The following BLK variants were observed in gnomAD, a reference collection of about 807,000 sequenced individuals.
The protein encoded by BLK is BLK proto-oncogene, Src family tyrosine kinase, also known as tyrosine-protein kinase Blk.
In BLK, 64 loss-of-function variants were observed where a neutral mutation model predicts 61.8. That is an observed-to-expected ratio of 1.03 (90% CI 0.85 to 1.27). The LOEUF (loss-of-function observed/expected upper bound fraction) is 1.27, where lower values mean the gene tolerates loss of function less well. Among genes scored for constraint, BLK ranks in the 50% most tolerant of loss-of-function variants. The pLI is 0.00. For missense variants in BLK, 853 were observed against 660.5 expected (o/e 1.29, Z -3.19); for synonymous variants, 351 against 272.0 (o/e 1.29, Z -2.86).
chr8:11,557,273 G>T (rs1380838651), intron 9 of BLK, among the ~76,000 whole-genome samples: 1 of 152,194 alleles, frequency 6.6e-6, no homozygotes, highest in East Asian at 1.9e-4. Flanking sequence ...GGGCTTGATG[G>T]CCTCTGAGGT....
chr8:11,512,232 G>C (rs942756768), intron 1 of BLK, among the ~76,000 whole-genome samples: 3 of 152,218 alleles, frequency 2.0e-5, no homozygotes, highest in African/African-American at 7.2e-5. Context: ...ATGTGTGGAT[G>C]ACCTCGTGAA....
chr8:11,512,162 G>A (rs955355269), intron 1 of BLK, among the ~76,000 whole-genome samples: 1 of 152,214 alleles, frequency 6.6e-6, no homozygotes, highest in African/African-American at 2.4e-5. Context: ...TATGCTACTG[G>A]TCTGTAAGAA....
At chr8:11,500,592 T>C in intron 1 of BLK, among the ~76,000 whole-genome samples, 1 of 151,552 alleles carries the variant, frequency 6.6e-6, no homozygotes, top group Non-Finnish European at 1.5e-5. Flanking sequence ...CATGGCTCAC[T>C]GCAGCCTCCA....
At chr8:11,532,939 C>T (rs926726396) in intron 1 of BLK, among the ~76,000 whole-genome samples, 1 of 152,200 alleles carries the variant, frequency 6.6e-6, no homozygotes, top group Admixed American at 6.5e-5. Flanking sequence ...GTACCTTCAG[C>T]AAGACCTTAA....
intron 1 of BLK, among the ~76,000 whole-genome samples, chr8:11,522,259 T>C (rs1799482628): frequency 6.6e-6 from 1 of 152,216 alleles, no homozygotes; most frequent in Admixed American, 6.5e-5. Flanking sequence ...AAAGAATCCA[T>C]ATAACCCATG....
At chr8:11,540,647 G>GAAATT (rs1800331696) in intron 1 of BLK, among the ~76,000 whole-genome samples, 1 of 152,136 alleles carries the variant, frequency 6.6e-6, no homozygotes, top group African/African-American at 2.4e-5. Flanking sequence ...AAATGTAGAT[G>GAAATT]AAATTAAAGA....
At chr8:11,528,964 G>A (rs1020126754) in intron 1 of BLK, among the ~76,000 whole-genome samples, 1 of 152,108 alleles carries the variant, frequency 6.6e-6, no homozygotes, top group African/African-American at 2.4e-5. Flanking sequence ...GCGGGAAGGA[G>A]AGCATCAGGA....
At chr8:11,527,761 C>T (rs1585360484) in intron 1 of BLK, among the ~76,000 whole-genome samples, 1 of 149,388 alleles carries the variant, frequency 6.7e-6, no homozygotes, top group African/African-American at 2.5e-5. Flanking sequence ...TGCCAGAATG[C>T]ACAAGTCTGG....
At chr8:11,495,353 C>G (rs1798325290) in intron 1 of BLK, among the ~76,000 whole-genome samples, 1 of 152,192 alleles carries the variant, frequency 6.6e-6, no homozygotes, top group African/African-American at 2.4e-5. Context: ...ATATCCTCCT[C>G]CCTCGGGAGA....
intron 2 of BLK, 140 bp from the exon 3 acceptor site, chr8:11,545,912 C>T (rs1800612328): frequency 1.1e-6 from 1 of 876,844 alleles, no homozygotes; most frequent in Admixed American, 1.7e-5. Flanking sequence ...TGTCCCTGAG[C>T]AGCCCCCACA....
intron 1 of BLK, among the ~76,000 whole-genome samples, chr8:11,506,197 G>A (rs748629171): frequency 2.6e-5 from 4 of 152,170 alleles, no homozygotes; most frequent in Non-Finnish European, 1.5e-5. Context: ...GCCACATCGT[G>A]GGGTGTCTTT....
At position 11,551,615 on chromosome 8, in the gene BLK, T is replaced by C. The variant is rs147167346; in HGVS notation, c.472+1353T>C. 1.8e-4 allele frequency among the ~76,000 whole-genome samples: 27 copies of C among 152,356 alleles called. 1 individual carries two copies. The highest frequency in any genetic ancestry group is 6.8e-3 in the Middle Eastern group (2 of 292). On this transcript the variant is annotated intron_variant, in intron 6 of 12. Transcript: ENST00000259089. ...AGGATGGTGAGCCTGTTCATGTTCA[T>C]TGCTATACAGAATCCCGGGTGTGAC...
intron 10 of BLK, among the ~76,000 whole-genome samples, 184 bp downstream of exon 10, chr8:11,558,222 C>G (rs1480783218): frequency 4.6e-5 from 7 of 152,202 alleles, no homozygotes; most frequent in Non-Finnish European, 1.0e-4. Context: ...AAACCCTGGC[C>G]ACTGTGCCTC....
intron 1 of BLK, among the ~76,000 whole-genome samples, chr8:11,519,968 C>T (rs1477629786): frequency 2.0e-5 from 3 of 152,092 alleles, no homozygotes; most frequent in Admixed American, 6.5e-5. Flanking sequence ...TTATAATTTC[C>T]TGTATTTAAA....
intron 1 of BLK, among the ~76,000 whole-genome samples, chr8:11,518,441 G>C (rs1178914545): frequency 1.3e-5 from 2 of 152,154 alleles, no homozygotes; most frequent in Admixed American, 6.5e-5. Context: ...GTGGGGGGCA[G>C]AAGATTTTAA....
In BLK at chr8:11,561,369, T is replaced by C. The variant is rs1167173834; in HGVS notation, c.1097T>C (p.Ile366Thr). The C allele has an allele frequency of 6.2e-7, 1 of 1,613,988 alleles. No individual in the cohort carries two copies. Among genetic ancestry groups the C allele is most frequent in the East Asian group, 2.2e-5 (1 of 44,892 alleles). The change falls in exon 11 of 13, where the codon ATC (isoleucine) becomes ACC (threonine). Residue 366 changes from isoleucine (I) to threonine (T), a missense_variant. By Grantham distance (89) the Ile-to-Thr change is moderately conservative. Transcript: ENST00000259089. ...SIHRDLRAAN[I>T]LVSEALCCKI... is the part of the protein sequence containing the mutation. ...CACCGCGACCTGCGGGCGGCCAACA[T>C]CCTGGTGTCTGAGGCCTTGTGCTGC...
chr8:11,555,636 G>C, intron 8 of BLK, 152 bp downstream of exon 8: 1 of 1,233,946 alleles, frequency 8.1e-7, no homozygotes, highest in Non-Finnish European at 1.1e-6. Context: ...TTTTACAGAG[G>C]AGGAAGTGGA....
At chr8:11,555,233 G>A in intron 7 of BLK, 99 bp from the exon 8 acceptor site, 2 of 1,510,336 alleles carry the variant, frequency 1.3e-6, no homozygotes, top group Non-Finnish European at 1.8e-6. Context: ...GGGGTGGGGT[G>A]GCTGGGGAGT....
rs566846723 is a variant in BLK at position 11,526,060 on chromosome 8, A to G, written c.-1-17164A>G. ...AGTGCTGGGATTACAGGTGTGAGCC[A>G]CCGCACCCAGCTGCAGCTTTTGTTT... On this transcript the variant is annotated intron_variant, in intron 1 of 12. Transcript: ENST00000259089. Among the ~76,000 whole-genome samples the G allele has an allele frequency of 2.0e-5, 3 of 152,300 alleles. No homozygotes were observed. The South Asian group carries it at 6.2e-4, about 32-fold the overall frequency.
Sources: allele counts gnomAD v4.1 joint callset (sites outside exome capture counted in the v4.1 genomes callset), GRCh38; gene constraint gnomAD v4.1.1; transcripts MANE v1.5; gene names NCBI Gene and HGNC (gene_info 2026-07-23, HGNC 2026-07-21).